The following ADGRL2 variants were observed in gnomAD, a reference collection of about 807,000 sequenced individuals.
The protein encoded by ADGRL2 is calcium-independent alpha-latrotoxin receptor 2.
A neutral mutation model predicts 157.4 loss-of-function variants in ADGRL2; 44 were observed. The ratio of observed to expected loss-of-function variants is 0.28; its 90% CI spans 0.22 to 0.36. The LOEUF is 0.36. ADGRL2 is among the 10% of genes least tolerant of loss of function. The pLI, the probability that ADGRL2 is intolerant of heterozygous loss-of-function variation, is 1.00. For synonymous variants in ADGRL2, 585 were observed against 624.7 expected (o/e 0.94, Z 0.95); for missense variants, 1,510 against 1,768.9 (o/e 0.85, Z 2.63).
At chr1:81,698,374 G>T (rs762550254), upstream of ADGRL2, among the ~76,000 whole-genome samples, 48 of 152,162 alleles carry the variant, frequency 3.2e-4, no homozygotes, top group Non-Finnish European at 6.2e-4. Context: ...AAGCCTTCAA[G>T]AGTTTGTAGG....
At chr1:81,890,009 T>C (rs1420080160) in intron 2 of ADGRL2, among the ~76,000 whole-genome samples, 1 of 152,238 alleles carries the variant, frequency 6.6e-6, no homozygotes, top group African/African-American at 2.4e-5. Context: ...TTACTTCTCT[T>C]TGAAAAACTT....
At chr1:81,828,830 A>G (rs1045304846) in intron 1 of ADGRL2, among the ~76,000 whole-genome samples, 166 of 152,158 alleles carry the variant, frequency 1.1e-3, no homozygotes, top group African/African-American at 3.9e-3. Flanking sequence ...GCCACTCAAA[A>G]TGACACAGTC....
chr1:81,777,306 C>A (rs1289715895), intron 2 of ADGRL2, among the ~76,000 whole-genome samples: 1 of 152,148 alleles, frequency 6.6e-6, no homozygotes, highest in Non-Finnish European at 1.5e-5. Context: ...TTGTATTATA[C>A]CACTAATTCA....
intron 1 of ADGRL2, among the ~76,000 whole-genome samples, chr1:81,315,258 C>T (rs1201261869): frequency 6.6e-6 from 1 of 151,932 alleles, no homozygotes; most frequent in African/African-American, 2.4e-5. Context: ...TCATGTGATA[C>T]AATATCATTG....
At chr1:81,485,309 A>G (rs530934050) in intron 2 of ADGRL2, among the ~76,000 whole-genome samples, 9 of 152,240 alleles carry the variant, frequency 5.9e-5, no homozygotes, top group Admixed American at 2.6e-4. Context: ...CTATAAGAGA[A>G]GATCCCCTGC....
In ADGRL2 at chr1:81,424,685, A is replaced by C. The variant is rs140405719; in HGVS notation, c.-301-20351A>C. On this transcript the variant is annotated intron_variant, in intron 1 of 24. Coordinates refer to the ADGRL2 transcript ENST00000370721. ...GACAATCCTAAGATAAGACCACTTC[A>C]TCAGGTGGGTGATGGTCCAAAGTCA... is the stretch of plus-strand genomic sequence containing the variant. 1.3e-3 allele frequency among the ~76,000 whole-genome samples: 198 copies of C among 152,338 alleles called. 1 individual carries two copies. Among genetic ancestry groups the C allele is most frequent in the African/African-American group, 4.2e-3 (174 of 41,588 alleles).
intron 1 of ADGRL2, among the ~76,000 whole-genome samples, chr1:81,441,171 T>C (rs2101677140): frequency 6.6e-6 from 1 of 152,324 alleles, no homozygotes; most frequent in South Asian, 2.1e-4. Flanking sequence ...AATTTAGTAC[T>C]ATTATTAAAT....
chr1:81,581,887 C>T (rs2080920799), intron 3 of ADGRL2, among the ~76,000 whole-genome samples: 1 of 145,760 alleles, frequency 6.9e-6, no homozygotes. Flanking sequence ...CACACACACA[C>T]ACACACACAC....
Position 81,307,818 on chromosome 1 carries a change from T to A in ADGRL2, c.-302+1309T>A, listed in dbSNP as rs562763033. 2.8e-4 allele frequency among the ~76,000 whole-genome samples: 21 copies of A among 75,718 alleles called. No individual in the cohort carries two copies. In the East Asian group the frequency reaches 4.4e-3, roughly 16 times the overall value. The allele number at this position is 75,718 out of a possible 152,430, so 49.7% of individuals were successfully genotyped here. On this transcript the variant is annotated intron_variant, in intron 1 of 24. Transcript: ENST00000370721. Reference sequence around the variant, plus strand: ...TCTCAATGCCAAAAATGTGCAGTTCTTTTTCTTTTTGATAGAGTCTTCTAT... The same window carrying A: ...TCTCAATGCCAAAAATGTGCAGTTCATTTTCTTTTTGATAGAGTCTTCTAT...
chr1:81,918,413 A>G lies in ADGRL2; in HGVS notation c.287+11183A>G, dbSNP rs528934181. On this transcript the variant is annotated intron_variant, in intron 3 of 23. Coordinates refer to ENST00000686636, the MANE Select transcript of ADGRL2 (RefSeq NM_001366006.2). ...ACATATATATATATAACATTAAGGG[A>G]CATTTGGTTTTCATAGATAGCTAAT... Among the ~76,000 whole-genome samples, 4 of 152,226 alleles carry G rather than the reference A, an allele frequency of 2.6e-5. No homozygotes were observed. In the East Asian group the frequency reaches 7.7e-4, roughly 29 times the overall value.
In ADGRL2 at chr1:81,327,779, A is replaced by G. The variant is rs375394396; in HGVS notation, c.-302+21270A>G. Among the ~76,000 whole-genome samples, 8 of 152,282 alleles carry G rather than the reference A, an allele frequency of 5.3e-5. No individual in the cohort carries two copies. In the East Asian group the frequency reaches 1.5e-3, roughly 29 times the overall value. ...TTCTATGACTTTGCTCTTGTATACA[A>G]CTTAGCCCTCTTTTAAACTTTGGAA... On this transcript the variant is annotated intron_variant, in intron 1 of 24. Transcript: ENST00000370721.
At chr1:81,607,415 A>G (rs894192499) in intron 3 of ADGRL2, among the ~76,000 whole-genome samples, 6 of 152,228 alleles carry the variant, frequency 3.9e-5, no homozygotes, top group Non-Finnish European at 7.3e-5. Flanking sequence ...TGTGATAAAG[A>G]AAGTTACAAT....
At chr1:81,343,944 G>A (rs760605596) in intron 1 of ADGRL2, among the ~76,000 whole-genome samples, 15 of 152,124 alleles carry the variant, frequency 9.9e-5, no homozygotes, top group Non-Finnish European at 1.9e-4. Flanking sequence ...GTCCATAACA[G>A]CTAAGGTGGC....
At chr1:81,367,590 G>T (rs573631324) in intron 1 of ADGRL2, among the ~76,000 whole-genome samples, 3 of 151,874 alleles carry the variant, frequency 2.0e-5, no homozygotes, top group African/African-American at 7.3e-5. Context: ...ACGGAGTTTC[G>T]CTCTTATTGC....
At chr1:81,790,161 T>C (rs1335728745) in intron 2 of ADGRL2, among the ~76,000 whole-genome samples, 7 of 152,048 alleles carry the variant, frequency 4.6e-5, no homozygotes, top group Admixed American at 6.6e-5. Context: ...CTAGGGAAAA[T>C]GTGCTTGACA....
intron 3 of ADGRL2, among the ~76,000 whole-genome samples, chr1:81,643,979 T>C (rs2082268795): frequency 6.6e-6 from 1 of 152,130 alleles, no homozygotes; most frequent in South Asian, 2.1e-4. Context: ...CCTCAAGACA[T>C]ACCATAAATT....
At chr1:81,901,608 G>A (rs193014815) in intron 2 of ADGRL2, among the ~76,000 whole-genome samples, 2 of 151,086 alleles carry the variant, frequency 1.3e-5, no homozygotes, top group South Asian at 2.1e-4. Flanking sequence ...ATTTCTTCCC[G>A]TGAGTCAGTA....
Position 81,616,654 on chromosome 1 carries a change from T to TTTTTC in ADGRL2, c.-143+35699_-143+35703dup, listed in dbSNP as rs374350208. ...CACTTCTAGTTTTTTGGGTTTTTTT[T>TTTTTC]TTTTCTTTTCTTTTCTTTTCTTTTC... On this transcript the variant is annotated intron_variant, in intron 3 of 24. Coordinates refer to the ADGRL2 transcript ENST00000370721. 8.6e-3 allele frequency among the ~76,000 whole-genome samples: 903 copies of TTTTTC among 104,562 alleles called. 28 individuals are homozygous for TTTTTC. Among genetic ancestry groups the TTTTTC allele is most frequent in the African/African-American group, 0.028 (800 of 28,900 alleles). The allele number at this position is 104,562 out of a possible 152,430, so 68.6% of individuals were successfully genotyped here.
At chr1:81,469,200 A>G (rs530711677) in intron 2 of ADGRL2, among the ~76,000 whole-genome samples, 1 of 152,290 alleles carries the variant, frequency 6.6e-6, no homozygotes, top group Admixed American at 6.5e-5. Context: ...GCAGTCCAGG[A>G]GGTTTTGATA....
Sources: gnomAD v4.1 joint callset for allele counts (sites outside exome capture counted in the v4.1 genomes callset) on GRCh38, gnomAD v4.1.1 for gene constraint, MANE v1.5 for transcripts, NCBI Gene and HGNC (gene_info 2026-07-23, HGNC 2026-07-21) for gene names.